The following CREM variants were observed in gnomAD, a reference collection of about 807,000 sequenced individuals.
The protein encoded by CREM is cAMP responsive element modulator.
A neutral mutation model predicts 37.3 loss-of-function variants in CREM; 13 were observed. The observed-to-expected ratio is 0.35, with a 90% CI of 0.23 to 0.55. CREM has a LOEUF of 0.55. Ranked by LOEUF, CREM falls within the 20% of genes least tolerant of loss-of-function variation. The pLI is 0.88. For synonymous variants in CREM, 124 were observed against 120.2 expected (o/e 1.03, Z -0.21); for missense variants, 296 against 362.3 (o/e 0.82, Z 1.49).
chr10:35,175,326 G>A (rs973324891), intron 3 of CREM, among the ~76,000 whole-genome samples: 1 of 152,088 alleles, frequency 6.6e-6, no homozygotes, highest in Non-Finnish European at 1.5e-5. Flanking sequence ...GGCACCTGTA[G>A]TCCCAGCTAC....
chr10:35,179,004 C>A lies in CREM; in HGVS notation c.266+18C>A, dbSNP rs747464101. On this transcript the variant is annotated intron_variant, in intron 4 of 7. Coordinates refer to ENST00000685392, the MANE Select transcript of CREM (RefSeq NM_183011.2). ...TCTTATAGGTAAGTTAACCAAGTTT[C>A]CTAATGTAAAGATACTTTTTCCAAA... 7.6e-6 allele frequency: 12 copies of A among 1,583,958 alleles called. No individual in the cohort carries two copies. The Admixed American group carries it at 2.0e-4, about 27-fold the overall frequency.
At chr10:35,184,596 A>G (rs2094475619) in intron 5 of CREM, among the ~76,000 whole-genome samples, 2 of 152,146 alleles carry the variant, frequency 1.3e-5, no homozygotes, top group African/African-American at 4.8e-5. Context: ...ATGTTTTCTC[A>G]CTAGAGCCAG....
At chr10:35,196,219 A>G in intron 6 of CREM, 2 of 977,946 alleles carry the variant, frequency 2.0e-6, no homozygotes, top group Non-Finnish European at 3.1e-6. Flanking sequence ...ATCTATAGGA[A>G]CTTGCGATTC....
rs572329632 is a variant in CREM, at chr10:35,159,472, A to C, written c.168+10981A>C. Among the ~76,000 whole-genome samples, 7 of 152,320 alleles carry C rather than the reference A, an allele frequency of 4.6e-5. No individual in the cohort carries two copies. The South Asian group carries it at 1.2e-3, about 27-fold the overall frequency. On this transcript the variant is annotated intron_variant, in intron 3 of 7. Transcript: ENST00000685392. ...TCAACAAAAATGGCAGGACCACACAATGGGGAAAGGGCCATTTCTTTAATA... is the reference window on the plus strand; with the variant it reads ...TCAACAAAAATGGCAGGACCACACACTGGGGAAAGGGCCATTTCTTTAATA...
intron 2 of CREM, among the ~76,000 whole-genome samples, chr10:35,138,578 G>A (rs2090963662): frequency 7.0e-6 from 1 of 143,554 alleles, no homozygotes; most frequent in South Asian, 2.2e-4. Flanking sequence ...CCAGGCTGGT[G>A]TGCAATGGCA....
chr10:35,211,165 G>T, intron 7 of CREM, 89 bp from the exon 8 acceptor site: 2 of 1,442,304 alleles, frequency 1.4e-6, no homozygotes, highest in South Asian at 2.6e-5. Context: ...TCGATTGGCT[G>T]TTGAGTTCGG....
chr10:35,172,211 C>T (rs758021644), intron 3 of CREM, among the ~76,000 whole-genome samples: 1 of 152,118 alleles, frequency 6.6e-6, no homozygotes, highest in Non-Finnish European at 1.5e-5. Context: ...GTCAGGGTTA[C>T]TGGATATGTT....
chr10:35,183,550 C>G (rs1433587082), intron 5 of CREM, among the ~76,000 whole-genome samples: 2 of 152,304 alleles, frequency 1.3e-5, no homozygotes, highest in Middle Eastern at 3.4e-3. Flanking sequence ...TAATGCACCT[C>G]TTGGCTTTTA....
At chr10:35,148,664 A>G in intron 3 of CREM, 173 bp downstream of exon 3, 5 of 714,736 alleles carry the variant, frequency 7.0e-6, no homozygotes, top group Non-Finnish European at 1.1e-5. Context: ...TTGCATTTTA[A>G]CAGACATTCA....
chr10:35,167,458 A>G (rs1357075550), intron 3 of CREM: 2 of 417,136 alleles, frequency 4.8e-6, no homozygotes, highest in African/African-American at 2.0e-5. Context: ...AAAATCCTTT[A>G]TTGTCTTGAA....
At chr10:35,181,212 C>T (rs2133247429) in intron 5 of CREM, among the ~76,000 whole-genome samples, 1 of 152,282 alleles carries the variant, frequency 6.6e-6, no homozygotes, top group South Asian at 2.1e-4. Flanking sequence ...CATTTGCAAA[C>T]TCAATGATCA....
intron 3 of CREM, among the ~76,000 whole-genome samples, chr10:35,151,340 T>G (rs146962797): frequency 1.3e-5 from 2 of 152,260 alleles, no homozygotes; most frequent in African/African-American, 4.8e-5. Flanking sequence ...GAAGTATTTT[T>G]TTGTTGTTGT....
intron 6 of CREM, chr10:35,195,239 C>T (rs773700178): frequency 6.2e-7 from 1 of 1,613,342 alleles, no homozygotes; most frequent in Non-Finnish European, 8.5e-7. Context: ...GAGGGGTTTT[C>T]AGTTAATTGT....
intron 6 of CREM, among the ~76,000 whole-genome samples, chr10:35,192,005 A>G (rs2094937683): frequency 6.6e-6 from 1 of 152,032 alleles, no homozygotes; most frequent in African/African-American, 2.4e-5. Flanking sequence ...CACTGTGTAG[A>G]TTCTTCTGCC....
At chr10:35,201,659 T>C (rs919969505) in intron 6 of CREM, among the ~76,000 whole-genome samples, 1 of 152,162 alleles carries the variant, frequency 6.6e-6, no homozygotes, top group Non-Finnish European at 1.5e-5. Context: ...AAAAAATGCT[T>C]TCATGTCAGG....
intron 2 of CREM, among the ~76,000 whole-genome samples, chr10:35,139,888 T>TG (rs1301626083): frequency 6.6e-6 from 1 of 152,202 alleles, no homozygotes; most frequent in African/African-American, 2.4e-5. Flanking sequence ...CAGCTGAGTT[T>TG]GGGGTCCTGC....
Position 35,178,886 on chromosome 10 carries a change from T to C in CREM, c.169-3T>C, listed in dbSNP as rs563615347. ...ATACATTTCAGAAAATCTTGTATTA[T>C]AGGTAGCAGCAATTGCAGAGACAGA... is the stretch of plus-strand genomic sequence containing the variant. On this transcript the variant is annotated splice_region_variant and splice_polypyrimidine_tract_variant and intron_variant, in intron 3 of 7. Coordinates refer to ENST00000685392, the MANE Select transcript of CREM (RefSeq NM_183011.2). 120 of 1,603,224 alleles carry C rather than the reference T, an allele frequency of 7.5e-5. No individual in the cohort carries two copies. The East Asian group carries it at 2.4e-3, about 32-fold the overall frequency.
At chr10:35,133,124 T>A (rs1315440729) in intron 1 of CREM, among the ~76,000 whole-genome samples, 2 of 152,158 alleles carry the variant, frequency 1.3e-5, no homozygotes, top group Non-Finnish European at 2.9e-5. Flanking sequence ...CTTATTCTTT[T>A]TCTTTTTTAG....
At chr10:35,138,872 T>C (rs11010105) in intron 2 of CREM, among the ~76,000 whole-genome samples, 4,517 of 151,766 alleles carry the variant, frequency 0.03, 225 homozygotes, top group African/African-American at 0.1. Flanking sequence ...CCAGCCTGGG[T>C]AACATAGCAA....
Sources: gnomAD v4.1 joint callset for allele counts (sites outside exome capture counted in the v4.1 genomes callset) on GRCh38, gnomAD v4.1.1 for gene constraint, MANE v1.5 for transcripts, NCBI Gene and HGNC (gene_info 2026-07-23, HGNC 2026-07-21) for gene names.